Variants in RBFOX3 observed in about 807,000 individuals in gnomAD.
The protein encoded by RBFOX3 is RNA binding fox-1 homolog 3, also known as RNA binding protein fox-1 homolog 3.
A neutral mutation model predicts 48.7 loss-of-function variants in RBFOX3; 17 were observed. The ratio of observed to expected loss-of-function variants is 0.35; its 90% CI spans 0.24 to 0.52. The LOEUF (loss-of-function observed/expected upper bound fraction) is 0.52, where lower values mean the gene tolerates loss of function less well. Ranked by LOEUF, RBFOX3 falls within the 20% of genes least tolerant of loss-of-function variation. The pLI, the probability that RBFOX3 is intolerant of heterozygous loss-of-function variation, is 0.94. For missense variants in RBFOX3, 382 were observed against 497.5 expected (o/e 0.77, Z 2.21); for synonymous variants, 212 against 209.5 (o/e 1.01, Z -0.10).
chr17:79,367,625 T>G (rs11649977), intron 2 of RBFOX3, among the ~76,000 whole-genome samples: 20 of 151,922 alleles, frequency 1.3e-4, no homozygotes, highest in Non-Finnish European at 2.9e-4. Flanking sequence ...GCCAGTAACT[T>G]GAAAATATTT....
At chr17:79,349,199 G>A (rs2083431479) in intron 2 of RBFOX3, among the ~76,000 whole-genome samples, 1 of 151,904 alleles carries the variant, frequency 6.6e-6, no homozygotes, top group East Asian at 1.9e-4. Flanking sequence ...CACCCTCACC[G>A]AGCAGCCAGA....
chr17:79,272,251 G>T (rs2067870161), intron 3 of RBFOX3, among the ~76,000 whole-genome samples: 1 of 152,136 alleles, frequency 6.6e-6, no homozygotes, highest in Non-Finnish European at 1.5e-5. Flanking sequence ...TGGGGGCGGG[G>T]GGCTCTGCTG....
chr17:79,296,305 CCACACACA>C (rs61439993), intron 3 of RBFOX3, among the ~76,000 whole-genome samples: 12 of 130,504 alleles, frequency 9.2e-5, no homozygotes, highest in South Asian at 2.7e-4. Context: ...CACACACACA[CCACACACA>C]CACACACACA....
intron 2 of RBFOX3, among the ~76,000 whole-genome samples, chr17:79,452,926 G>T (rs1555742612): frequency 6.6e-6 from 1 of 152,170 alleles, no homozygotes; most frequent in Non-Finnish European, 1.5e-5. Context: ...CCCGCTCACG[G>T]CCCCCCGGCC....
chr17:79,324,689 T>C (rs760717130), intron 2 of RBFOX3, among the ~76,000 whole-genome samples: 15 of 152,278 alleles, frequency 9.9e-5, no homozygotes, highest in Non-Finnish European at 2.2e-4. Flanking sequence ...AGGGAGACCC[T>C]TGGAGTGGGG....
chr17:79,219,023 C>T (rs1277028925), intron 4 of RBFOX3, among the ~76,000 whole-genome samples: 1 of 152,244 alleles, frequency 6.6e-6, no homozygotes, highest in Non-Finnish European at 1.5e-5. Flanking sequence ...TGCGGACCCC[C>T]TGCTGGACCC....
chr17:79,455,512 C>A (rs890417581), intron 2 of RBFOX3, among the ~76,000 whole-genome samples: 13 of 152,100 alleles, frequency 8.5e-5, no homozygotes, highest in Non-Finnish European at 1.6e-4. Flanking sequence ...ATGGAGATGC[C>A]ACGGGGCCCG....
At chr17:79,657,969 G>A in the RBFOX3 span, among the ~76,000 whole-genome samples, 3 of 152,070 alleles carry the variant, frequency 2.0e-5, no homozygotes, top group Non-Finnish European at 2.9e-5. Flanking sequence ...CCCTCAAGAC[G>A]AAACGACCCC....
intron 3 of RBFOX3, among the ~76,000 whole-genome samples, chr17:79,291,316 T>C (rs1177726813): frequency 3.3e-5 from 5 of 152,234 alleles, no homozygotes; most frequent in Non-Finnish European, 1.5e-5. Flanking sequence ...GAGCTCGCTC[T>C]GCGGTGCCAC....
chr17:79,388,929 C>T (rs867990611), intron 2 of RBFOX3, among the ~76,000 whole-genome samples: 16 of 152,248 alleles, frequency 1.1e-4, no homozygotes, highest in African/African-American at 2.7e-4. Flanking sequence ...TCCTCCCAGC[C>T]GCCAAGCCCT....
At chr17:79,303,959 A>G (rs1482143749) in intron 3 of RBFOX3, among the ~76,000 whole-genome samples, 1 of 152,100 alleles carries the variant, frequency 6.6e-6, no homozygotes, top group African/African-American at 2.4e-5. Context: ...AGCCAGATGC[A>G]CCACCCGCTA....
intron 2 of RBFOX3, among the ~76,000 whole-genome samples, chr17:79,389,000 T>C (rs1004276052): frequency 2.0e-5 from 3 of 152,218 alleles, no homozygotes; most frequent in African/African-American, 7.2e-5. Context: ...AATAAGCATT[T>C]CAGAGGGAGA....
intron 1 of RBFOX3, among the ~76,000 whole-genome samples, chr17:79,592,137 C>T (rs997750954): frequency 4.3e-5 from 6 of 141,124 alleles, no homozygotes; most frequent in Non-Finnish European, 7.6e-5. Context: ...GAAGTATTGT[C>T]GTGTGTGCAT....
chr17:79,458,090 G>A (rs1179483049), intron 2 of RBFOX3, among the ~76,000 whole-genome samples: 3 of 152,226 alleles, frequency 2.0e-5, no homozygotes, highest in Non-Finnish European at 4.4e-5. Context: ...GCCTCCCCAG[G>A]TGGGTAACAG....
intron 4 of RBFOX3, among the ~76,000 whole-genome samples, chr17:79,176,370 C>T (rs1288641888): frequency 6.6e-6 from 1 of 152,212 alleles, no homozygotes; most frequent in Non-Finnish European, 1.5e-5. Context: ...CCTGCTGGCA[C>T]CAGAGCCCCC....
intron 3 of RBFOX3, among the ~76,000 whole-genome samples, chr17:79,294,049 T>C (rs1348440631): frequency 6.6e-6 from 1 of 152,198 alleles, no homozygotes; most frequent in African/African-American, 2.4e-5. Context: ...TACAGATTCA[T>C]ACAGAGCAGG....
intron 2 of RBFOX3, among the ~76,000 whole-genome samples, chr17:79,420,758 C>G (rs1264045552): frequency 6.6e-6 from 1 of 152,244 alleles, no homozygotes; most frequent in Non-Finnish European, 1.5e-5. Flanking sequence ...GAGGGTCAGG[C>G]CTCTGCCCTC....
chr17:79,370,566 C>G (rs1218013091), intron 2 of RBFOX3, among the ~76,000 whole-genome samples: 1 of 118,562 alleles, frequency 8.4e-6, no homozygotes, highest in Non-Finnish European at 1.8e-5. Flanking sequence ...TACATGTGTG[C>G]TCACTCACAC....
chr17:79,648,294 G>A, the RBFOX3 span, among the ~76,000 whole-genome samples: 86 of 152,274 alleles, frequency 5.6e-4, 1 homozygote, highest in Non-Finnish European at 8.4e-4. Context: ...GATGACGTGG[G>A]TAATGGAGAC....
Sources: gnomAD v4.1 joint callset for allele counts (sites outside exome capture counted in the v4.1 genomes callset) on GRCh38, gnomAD v4.1.1 for gene constraint, MANE v1.5 for transcripts, NCBI Gene and HGNC (gene_info 2026-07-23, HGNC 2026-07-21) for gene names.